TNPO1: variants seen among roughly 807,000 people sequenced by gnomAD.
TNPO1 encodes transportin 1.
Under a neutral mutation model 119.5 loss-of-function variants are expected in TNPO1, and 8 were observed. The observed-to-expected ratio is 0.07, with a 90% CI of 0.04 to 0.12. The LOEUF (loss-of-function observed/expected upper bound fraction) is 0.12. Ranked by LOEUF, TNPO1 falls within the 10% of genes least tolerant of loss-of-function variation. The pLI, the probability that TNPO1 is intolerant of heterozygous loss-of-function variation, is 1.00. For missense variants in TNPO1, 576 were observed against 1,089.8 expected (o/e 0.53, Z 6.64); for synonymous variants, 362 against 363.0 (o/e 1.00, Z 0.03).
intron 8 of TNPO1, among the ~76,000 whole-genome samples, chr5:72,876,260 A>G (rs1747763643): frequency 6.6e-6 from 1 of 152,208 alleles, no homozygotes; most frequent in Non-Finnish European, 1.5e-5. Context: ...GACATGATGT[A>G]TCATGTAATA....
At position 72,877,566 on chromosome 5, in the gene TNPO1, G is replaced by A. The variant is rs187041449; in HGVS notation, c.920+220G>A. 2.0e-3 allele frequency among the ~76,000 whole-genome samples: 304 copies of A among 151,970 alleles called. 3 individuals carry two copies. Among genetic ancestry groups the A allele is most frequent in the African/African-American group, 7.1e-3 (294 of 41,474 alleles). ...TTTGTTCTAAATTATAATTGATTTCGGATAATTTACAGCACAGTATTTTTG... is the reference window on the plus strand; with the variant it reads ...TTTGTTCTAAATTATAATTGATTTCAGATAATTTACAGCACAGTATTTTTG... On this transcript the variant is annotated intron_variant, in intron 9 of 24. Transcript: ENST00000337273.
chr5:72,865,864 A>G, intron 6 of TNPO1, 135 bp downstream of exon 6: 1 of 941,416 alleles, frequency 1.1e-6, no homozygotes. Context: ...GAACTTATGT[A>G]ATTGAAATTG....
intron 11 of TNPO1, among the ~76,000 whole-genome samples, chr5:72,885,556 G>T (rs1490218712): frequency 6.6e-6 from 1 of 152,162 alleles, no homozygotes; most frequent in South Asian, 2.1e-4. Flanking sequence ...TATGTACTCT[G>T]CTGCTTTCTT....
chr5:72,893,351 A>T, intron 16 of TNPO1, 26 bp from the exon 17 acceptor site: 1 of 1,608,878 alleles, frequency 6.2e-7, no homozygotes. Flanking sequence ...AACCAAACTT[A>T]CAAAAAACAT....
chr5:72,871,566 T>C (rs1244595948), intron 6 of TNPO1, among the ~76,000 whole-genome samples: 1 of 152,102 alleles, frequency 6.6e-6, no homozygotes, highest in African/African-American at 2.4e-5. Flanking sequence ...GGAAAAATAA[T>C]GAGATCAGGG....
chr5:72,837,551 A>T (rs1295455407), intron 1 of TNPO1, among the ~76,000 whole-genome samples: 1 of 152,228 alleles, frequency 6.6e-6, no homozygotes, highest in Non-Finnish European at 1.5e-5. Context: ...GGATACAAAC[A>T]TTCAAACCAT....
chr5:72,858,805 C>G (rs930859770), intron 4 of TNPO1, among the ~76,000 whole-genome samples: 1 of 151,824 alleles, frequency 6.6e-6, no homozygotes. Context: ...CCATTGCACT[C>G]CAGCCTGGAT....
At chr5:72,825,579 C>T (rs1392491943) in intron 1 of TNPO1, among the ~76,000 whole-genome samples, 1 of 152,020 alleles carries the variant, frequency 6.6e-6, no homozygotes, top group African/African-American at 2.4e-5. Flanking sequence ...CCCAGCTACT[C>T]GGGAGGCTGA....
In TNPO1 at chr5:72,876,018, A is replaced by G. The variant is rs149276163; in HGVS notation, c.801+281A>G. Among the ~76,000 whole-genome samples the G allele has an allele frequency of 4.7e-3, 723 of 152,250 alleles. 7 individuals carry two copies. Among genetic ancestry groups the G allele is most frequent in the African/African-American group, 0.017 (701 of 41,550 alleles). On this transcript the variant is annotated intron_variant, in intron 8 of 24. Coordinates refer to ENST00000337273, the MANE Select transcript of TNPO1 (RefSeq NM_002270.4). ...GGATCTTTTTTAAAGGTTGCAGTCT[A>G]AGATCTGTTAAAAGGCTAGCATTCG...
chr5:72,878,089 A>G (rs912223875), intron 9 of TNPO1, among the ~76,000 whole-genome samples: 4 of 152,116 alleles, frequency 2.6e-5, no homozygotes, highest in Admixed American at 6.6e-5. Context: ...GAGGTATGCT[A>G]TTCCATCATG....
Position 72,887,195 on chromosome 5 carries a change from A to G in TNPO1, c.1276A>G (p.Ile426Val). Reference sequence around the variant, plus strand: ...TGAATGGGTTGTTAAAGAATCAGGCATTTTGGTTTTAGGAGCAATTGCTGA... The same window carrying G: ...TGAATGGGTTGTTAAAGAATCAGGCGTTTTGGTTTTAGGAGCAATTGCTGA... Reference protein sequence around the residue: ...HHEWVVKESGILVLGAIAEGC... With the variant: ...HHEWVVKESGVLVLGAIAEGC... Residue 426 changes from isoleucine to valine, a missense_variant, in exon 12 of 25, where the codon ATT (isoleucine) becomes GTT (valine). Ile to Val is a conservative substitution (Grantham distance 29). Around this residue, in one of 6 missense-constraint regions of TNPO1, gnomAD observed 310 missense variants for 583.0 expected, o/e 0.53. Transcript: ENST00000337273. 6.2e-7 allele frequency: 1 copy of G among 1,613,180 alleles called. No homozygotes were observed. The highest frequency in any genetic ancestry group is 8.5e-7 in the Non-Finnish European group (1 of 1,179,516).
At chr5:72,883,502 T>C (rs1748399420) in intron 11 of TNPO1, among the ~76,000 whole-genome samples, 1 of 152,228 alleles carries the variant, frequency 6.6e-6, no homozygotes, top group Non-Finnish European at 1.5e-5. Context: ...AGACATTTCA[T>C]GTAAATGGAG....
At chr5:72,859,308 A>G (rs1403803050) in intron 4 of TNPO1, among the ~76,000 whole-genome samples, 1 of 152,218 alleles carries the variant, frequency 6.6e-6, no homozygotes, top group East Asian at 1.9e-4. Flanking sequence ...CCTGACCTCT[A>G]CCCACTGGAT....
At chr5:72,895,363 T>A (rs914958210) in intron 18 of TNPO1, among the ~76,000 whole-genome samples, 17 of 152,240 alleles carry the variant, frequency 1.1e-4, no homozygotes, top group African/African-American at 3.1e-4. Context: ...CCTTTTTTTT[T>A]TTTTAATGTT....
intron 10 of TNPO1, 106 bp downstream of exon 10, chr5:72,882,633 T>G (rs1748329214): frequency 4.2e-6 from 3 of 717,948 alleles, no homozygotes; most frequent in Non-Finnish European, 7.0e-6. Context: ...CTCCTGTAAA[T>G]AGACTTCCTA....
chr5:72,857,200 C>T (rs1441274335), intron 4 of TNPO1, among the ~76,000 whole-genome samples: 1 of 151,930 alleles, frequency 6.6e-6, no homozygotes, highest in Non-Finnish European at 1.5e-5. Flanking sequence ...TGCTTGTAAT[C>T]CCAGCTACTT....
At chr5:72,885,870 A>G (rs1748588205) in intron 11 of TNPO1, among the ~76,000 whole-genome samples, 1 of 151,942 alleles carries the variant, frequency 6.6e-6, no homozygotes, top group African/African-American at 2.4e-5. Context: ...ATAACAGGAT[A>G]CCTGAAGTTC....
intron 8 of TNPO1, among the ~76,000 whole-genome samples, chr5:72,876,521 G>A (rs1747787385): frequency 6.6e-6 from 1 of 152,144 alleles, no homozygotes; most frequent in African/African-American, 2.4e-5. Flanking sequence ...TATAATTTCA[G>A]TATGTATATG....
intron 22 of TNPO1, among the ~76,000 whole-genome samples, chr5:72,901,712 G>T (rs571634704): frequency 7.9e-5 from 12 of 152,276 alleles, no homozygotes; most frequent in South Asian, 2.1e-4. Context: ...TGAACAAAAT[G>T]CTAACTGTGG....
Sources: allele counts gnomAD v4.1 joint callset (sites outside exome capture counted in the v4.1 genomes callset), GRCh38; gene constraint gnomAD v4.1.1; regional missense constraint gnomAD v4.1.1; transcripts MANE v1.5; gene names NCBI Gene and HGNC (gene_info 2026-07-23, HGNC 2026-07-21).